The following ITGA9 variants were observed in gnomAD, a reference collection of about 807,000 sequenced individuals.
The protein encoded by ITGA9 is integrin subunit alpha 9, also known as integrin alpha-9.
In ITGA9, 56 loss-of-function variants were observed where a neutral mutation model predicts 127.8. That is an observed-to-expected ratio of 0.44 (90% CI 0.35 to 0.55). ITGA9 has a LOEUF of 0.55. Ranked by LOEUF, ITGA9 falls within the 20% of genes least tolerant of loss-of-function variation. ITGA9 has a pLI of 0.00. For missense variants in ITGA9, 1,196 were observed against 1,347.1 expected (o/e 0.89, Z 1.76); for synonymous variants, 508 against 514.5 (o/e 0.99, Z 0.17).
intron 15 of ITGA9, among the ~76,000 whole-genome samples, chr3:37,613,416 A>G (rs34046696): frequency 2.0e-3 from 312 of 152,296 alleles, no homozygotes; most frequent in Non-Finnish European, 3.4e-3. Context: ...TAGTGCCACA[A>G]TAAACATACG....
chr3:37,580,558 G>A (rs1163082315), intron 15 of ITGA9, among the ~76,000 whole-genome samples: 3 of 152,200 alleles, frequency 2.0e-5, no homozygotes, highest in African/African-American at 7.2e-5. Flanking sequence ...CAGGGCTTTG[G>A]CCCACAGCAG....
chr3:37,695,209 G>A (rs1700872188), intron 18 of ITGA9, among the ~76,000 whole-genome samples: 1 of 152,222 alleles, frequency 6.6e-6, no homozygotes, highest in South Asian at 2.1e-4. Flanking sequence ...CCACCCAGGG[G>A]TGAAGTGTAG....
intron 8 of ITGA9, among the ~76,000 whole-genome samples, chr3:37,512,204 C>CTT (rs761635690): frequency 1.8e-5 from 1 of 56,352 alleles, no homozygotes; most frequent in African/African-American, 8.4e-5. Flanking sequence ...CTTTTCTTTT[C>CTT]TTTTCTTTCT....
At chr3:37,795,333 A>C (rs894970978) in intron 26 of ITGA9, among the ~76,000 whole-genome samples, 3 of 152,186 alleles carry the variant, frequency 2.0e-5, no homozygotes, top group African/African-American at 7.2e-5. Context: ...AGACATGGGC[A>C]TTGCCAGCTG....
intron 5 of ITGA9, among the ~76,000 whole-genome samples, chr3:37,496,905 A>G (rs1308151501): frequency 6.6e-6 from 1 of 152,180 alleles, no homozygotes; most frequent in African/African-American, 2.4e-5. Flanking sequence ...AGGCACTCAG[A>G]TTTGAATTTT....
At chr3:37,592,448 A>G (rs1033044612) in intron 15 of ITGA9, among the ~76,000 whole-genome samples, 2 of 152,088 alleles carry the variant, frequency 1.3e-5, no homozygotes, top group Non-Finnish European at 2.9e-5. Context: ...TGGAGAAGGC[A>G]CACCCACCCC....
Position 37,741,820 on chromosome 3 carries a change from G to C in ITGA9, c.2324+1G>C, listed in dbSNP as rs756761718. The C allele has an allele frequency of 1.2e-6, 2 of 1,612,066 alleles. No individual in the cohort carries two copies. Among genetic ancestry groups the C allele is most frequent in the Admixed American group, 3.3e-5 (2 of 59,884 alleles). On this transcript the variant is annotated splice_donor_variant, in intron 21 of 27. Transcript: ENST00000264741. LOFTEE classifies it high-confidence loss of function. ...ACGAGGTGGACACGTCCATCACCGG[G>C]TGAGTAGCCTGGTCCTGGGTTGCCA...
intron 18 of ITGA9, among the ~76,000 whole-genome samples, chr3:37,686,303 T>C (rs970532682): frequency 2.0e-5 from 3 of 152,048 alleles, no homozygotes; most frequent in Non-Finnish European, 2.9e-5. Flanking sequence ...GGGTCAAAGC[T>C]AGCCTTGGTC....
Position 37,533,356 on chromosome 3 carries a change from G to A in ITGA9, c.1416G>A (p.Pro472=), listed in dbSNP as rs150327524. 76 of 1,613,970 alleles carry A rather than the reference G, an allele frequency of 4.7e-5. No individual in the cohort carries two copies. The highest frequency in any genetic ancestry group is 4.0e-5 in the African/African-American group (3 of 74,900). ...VITVDVSIFL[P]GSINITAPQC... ...CGGTGGATGTCTCCATCTTCCTCCC[G>A]GGCTCCATCAACATCACAGCGCCTC... Residue 472 remains proline, a synonymous_variant, in exon 14 of 28, where the codon CCG becomes CCA. Coordinates refer to ENST00000264741, the MANE Select transcript of ITGA9 (RefSeq NM_002207.3).
chr3:37,668,476 A>C (rs1449320847), intron 17 of ITGA9, among the ~76,000 whole-genome samples: 3 of 152,182 alleles, frequency 2.0e-5, no homozygotes. Flanking sequence ...TATGAAGAGA[A>C]TGTAGCCCCG....
At chr3:37,667,475 G>A (rs1217235732) in intron 17 of ITGA9, among the ~76,000 whole-genome samples, 5 of 152,190 alleles carry the variant, frequency 3.3e-5, no homozygotes, top group South Asian at 2.1e-4. Context: ...TCCACAGCAC[G>A]TCCACAGGCA....
intron 15 of ITGA9, among the ~76,000 whole-genome samples, chr3:37,620,138 A>G (rs185723593): frequency 1.2e-4 from 19 of 152,244 alleles, no homozygotes; most frequent in African/African-American, 4.6e-4. Context: ...AGTCCTTCCT[A>G]CCCTCAAAGG....
chr3:37,585,731 G>A (rs1187655748), intron 15 of ITGA9: 2 of 486,184 alleles, frequency 4.1e-6, no homozygotes, highest in Non-Finnish European at 8.3e-6. Flanking sequence ...CGAAGGGGTG[G>A]TGAACACTAA....
intron 18 of ITGA9, among the ~76,000 whole-genome samples, chr3:37,696,718 T>C (rs1700888639): frequency 6.6e-6 from 1 of 152,240 alleles, no homozygotes. Flanking sequence ...AGTCTAAACA[T>C]GATATTTCTG....
At position 37,785,095 on chromosome 3, in the gene ITGA9, A is replaced by T; in HGVS notation, c.2889+17A>T. The T allele has an allele frequency of 6.4e-7, 1 of 1,561,070 alleles. No individual in the cohort carries two copies. The highest frequency in any genetic ancestry group is 8.8e-7 in the Non-Finnish European group (1 of 1,131,664). ...GAGGTGACGGTGAGTCAGCCACCCC[A>T]GGACAGCCCTCCTCAGAGGGCAAGG... is the stretch of plus-strand genomic sequence containing the variant. On this transcript the variant is annotated intron_variant, in intron 26 of 27. Transcript: ENST00000264741.
intron 18 of ITGA9, among the ~76,000 whole-genome samples, chr3:37,708,093 G>C (rs903493552): frequency 3.3e-5 from 5 of 152,196 alleles, no homozygotes; most frequent in Non-Finnish European, 4.4e-5. Flanking sequence ...CTAGGGGTTA[G>C]CTAGGCAGTT....
chr3:37,670,310 T>A (rs1443204858), intron 17 of ITGA9, among the ~76,000 whole-genome samples: 1 of 152,186 alleles, frequency 6.6e-6, no homozygotes, highest in Non-Finnish European at 1.5e-5. Context: ...TTCCTCCTGC[T>A]GTCCTAGGCT....
intron 17 of ITGA9, among the ~76,000 whole-genome samples, chr3:37,672,638 G>A (rs985289091): frequency 3.3e-5 from 5 of 152,192 alleles, no homozygotes; most frequent in African/African-American, 1.2e-4. Context: ...GCGTATCATA[G>A]GGGATGTTGA....
chr3:37,791,770 C>T (rs1463855138), intron 26 of ITGA9, among the ~76,000 whole-genome samples: 2 of 152,118 alleles, frequency 1.3e-5, no homozygotes, highest in Non-Finnish European at 2.9e-5. Context: ...CTAACACTGC[C>T]CTCACCAAAG....
Sources: gnomAD v4.1 joint callset for allele counts (sites outside exome capture counted in the v4.1 genomes callset) on GRCh38, gnomAD v4.1.1 for gene constraint, MANE v1.5 for transcripts, NCBI Gene and HGNC (gene_info 2026-07-23, HGNC 2026-07-21) for gene names.